The following LRMDA variants were observed in gnomAD, a reference collection of about 807,000 sequenced individuals.
LRMDA encodes leucine-rich melanocyte differentiation-associated protein.
Under a neutral mutation model 29.8 loss-of-function variants are expected in LRMDA, and 18 were observed. The observed-to-expected ratio is 0.60, with a 90% CI of 0.42 to 0.90. The LOEUF is 0.90. LRMDA is among the 40% of genes least tolerant of loss of function. The pLI is 0.00. For missense variants in LRMDA, 273 were observed against 273.9 expected (o/e 1.00, Z 0.02); for synonymous variants, 125 against 109.4 (o/e 1.14, Z -0.89).
intron 2 of LRMDA, chr10:75,450,655 A>C (rs1480793380): frequency 2.0e-5 from 3 of 152,262 alleles, no homozygotes; most frequent in Non-Finnish European, 4.4e-5. Flanking sequence ...TATAAGGTAG[A>C]GAAATATTTT....
intron 2 of LRMDA, among the ~76,000 whole-genome samples, chr10:75,959,067 G>T (rs1314926023): frequency 9.9e-5 from 15 of 152,186 alleles, no homozygotes. Flanking sequence ...TGAGATTTGG[G>T]TGGAGACACA....
At chr10:75,715,986 A>G (rs1464353055) in intron 2 of LRMDA, among the ~76,000 whole-genome samples, 3 of 152,196 alleles carry the variant, frequency 2.0e-5, no homozygotes, top group Admixed American at 1.3e-4. Flanking sequence ...TCTACTTTAG[A>G]ATCACGAATG....
chr10:76,439,425 G>T (rs1241010661), intron 6 of LRMDA, among the ~76,000 whole-genome samples: 1 of 152,192 alleles, frequency 6.6e-6, no homozygotes, highest in Non-Finnish European at 1.5e-5. Flanking sequence ...GTGCATGGTG[G>T]TTCATGCACA....
At chr10:76,251,419 A>AT (rs1208916279) in intron 5 of LRMDA, among the ~76,000 whole-genome samples, 1 of 148,862 alleles carries the variant, frequency 6.7e-6, no homozygotes, top group Non-Finnish European at 1.5e-5. Context: ...CGCCCGGCTA[A>AT]TTTTTTGTAT....
intron 2 of LRMDA, among the ~76,000 whole-genome samples, chr10:75,857,208 G>T (rs1001252110): frequency 6.6e-6 from 1 of 152,180 alleles, no homozygotes; most frequent in Non-Finnish European, 1.5e-5. Context: ...AGATTGTTGG[G>T]CACATAGGTA....
chr10:75,724,916 A>G (rs1480301977), intron 2 of LRMDA, among the ~76,000 whole-genome samples: 2 of 152,144 alleles, frequency 1.3e-5, no homozygotes, highest in Non-Finnish European at 2.9e-5. Context: ...AAAATGAATT[A>G]TTTTACTGTT....
At chr10:75,770,057 G>A (rs971827155) in intron 2 of LRMDA, among the ~76,000 whole-genome samples, 1 of 152,158 alleles carries the variant, frequency 6.6e-6, no homozygotes, top group Admixed American at 6.5e-5. Context: ...TGAGGCAGGA[G>A]GATCGCTGAG....
chr10:76,434,700 A>G (rs1376426136), intron 6 of LRMDA, among the ~76,000 whole-genome samples: 1 of 152,220 alleles, frequency 6.6e-6, no homozygotes, highest in East Asian at 1.9e-4. Context: ...GGATACAACA[A>G]TAAATGAGCT....
chr10:75,706,351 A>T lies in LRMDA; in HGVS notation c.131+267857A>T, dbSNP rs192327861. Among the ~76,000 whole-genome samples the T allele has an allele frequency of 1.4e-3, 214 of 152,230 alleles. 2 individuals carry two copies. The South Asian group carries it at 0.016, about 11-fold the overall frequency. ...GGAATATAATCCCAGGTATAGAAAT[A>T]TTGGGCTGATGAGACACCATTGTTT... is the stretch of plus-strand genomic sequence containing the variant. On this transcript the variant is annotated intron_variant, in intron 2 of 6. Coordinates refer to ENST00000611255, the MANE Select transcript of LRMDA (RefSeq NM_001305581.2).
chr10:75,843,751 C>T (rs538436198), intron 2 of LRMDA, among the ~76,000 whole-genome samples: 4 of 152,150 alleles, frequency 2.6e-5, no homozygotes, highest in East Asian at 3.8e-4. Context: ...TTAAGGTCCT[C>T]GTGGTTAAAC....
At chr10:76,206,657 A>T (rs181889228) in intron 5 of LRMDA, among the ~76,000 whole-genome samples, 1 of 152,296 alleles carries the variant, frequency 6.6e-6, no homozygotes, top group African/African-American at 2.4e-5. Context: ...GGGCTGTGTT[A>T]ATCATAAATT....
At chr10:75,846,101 T>G (rs1844630534) in intron 2 of LRMDA, among the ~76,000 whole-genome samples, 1 of 152,014 alleles carries the variant, frequency 6.6e-6, no homozygotes, top group South Asian at 2.1e-4. Flanking sequence ...AAATGCTAGG[T>G]ACCTCCTAAA....
intron 5 of LRMDA, among the ~76,000 whole-genome samples, chr10:76,126,808 G>C (rs1015957620): frequency 6.6e-6 from 1 of 152,150 alleles, no homozygotes. Context: ...AGAGAGCTGT[G>C]GTTATGACAG....
intron 6 of LRMDA, among the ~76,000 whole-genome samples, chr10:76,341,431 A>G (rs1449729644): frequency 6.6e-6 from 1 of 152,200 alleles, no homozygotes; most frequent in African/African-American, 2.4e-5. Flanking sequence ...ATTAAGGTAG[A>G]TTTGATTAAA....
At chr10:76,185,689 G>A (rs1324521916) in intron 5 of LRMDA, among the ~76,000 whole-genome samples, 1 of 152,160 alleles carries the variant, frequency 6.6e-6, no homozygotes, top group Admixed American at 6.5e-5. Flanking sequence ...ACAGGATGCC[G>A]GGCACATTTG....
intron 5 of LRMDA, among the ~76,000 whole-genome samples, chr10:76,206,476 A>G (rs1851539589): frequency 6.6e-6 from 1 of 151,728 alleles, no homozygotes; most frequent in Non-Finnish European, 1.5e-5. Context: ...TGGACTGGGA[A>G]CTCCTGGAGG....
chr10:76,002,235 C>T (rs757473155), intron 2 of LRMDA, among the ~76,000 whole-genome samples: 10 of 152,212 alleles, frequency 6.6e-5, no homozygotes, highest in Non-Finnish European at 8.8e-5. Flanking sequence ...GGGTCTCACC[C>T]ATGTGACCTC....
At chr10:76,212,236 AACACACACACACAC>A (rs35344389) in intron 5 of LRMDA, among the ~76,000 whole-genome samples, 3 of 142,886 alleles carry the variant, frequency 2.1e-5, no homozygotes, top group African/African-American at 5.2e-5. Context: ...TGAAAATTAA[AACACACACACACAC>A]ACACACACAC....
chr10:76,335,009 G>T (rs545502868), intron 6 of LRMDA, among the ~76,000 whole-genome samples: 59 of 152,272 alleles, frequency 3.9e-4, no homozygotes, highest in African/African-American at 1.2e-3. Flanking sequence ...AGGTGGCCTT[G>T]GATGAAGGTG....
Sources: gnomAD v4.1 joint callset for allele counts (sites outside exome capture counted in the v4.1 genomes callset) on GRCh38, gnomAD v4.1.1 for gene constraint, MANE v1.5 for transcripts, NCBI Gene and HGNC (gene_info 2026-07-23, HGNC 2026-07-21) for gene names.